Variants in NALF1 observed in about 807,000 individuals in gnomAD.
The protein encoded by NALF1 is NALCN channel auxiliary factor 1.
Under a neutral mutation model 48.4 loss-of-function variants are expected in NALF1, and 3 were observed. The observed-to-expected ratio is 0.06, with a 90% CI of 0.03 to 0.16. NALF1 has a LOEUF of 0.16. Ranked by LOEUF, NALF1 falls within the 10% of genes least tolerant of loss-of-function variation. The pLI is 1.00. For synonymous variants in NALF1, 262 were observed against 245.7 expected, an observed-to-expected ratio of 1.07 and a Z score of -0.62; for missense variants, 526 against 571.5, an observed-to-expected ratio of 0.92 and a Z score of 0.81.
intron 1 of NALF1, among the ~76,000 whole-genome samples, chr13:107,224,218 G>A (rs2138818324): frequency 6.6e-6 from 1 of 151,936 alleles, no homozygotes; most frequent in South Asian, 2.1e-4. Flanking sequence ...TATGCTCAGA[G>A]TAAAGCCTGG....
intron 2 of NALF1, among the ~76,000 whole-genome samples, chr13:107,176,548 A>G (rs1274508565): frequency 6.6e-6 from 1 of 152,026 alleles, no homozygotes; most frequent in East Asian, 1.9e-4. Context: ...AGGCTGAGGC[A>G]GGAGAATGGC....
rs537051479 is a variant in NALF1 at position 107,809,068 on chromosome 13, C to A, written c.915+56614G>T. ...AACTCACTCTAGAAATCCGAGCCAC[C>A]GGAGTCACTTTGACTCAGGGAAGCA... On this transcript the variant is annotated intron_variant, in intron 1 of 2. Transcript: ENST00000375915. Among the ~76,000 whole-genome samples, 110 of 152,044 alleles carry A rather than the reference C, an allele frequency of 7.2e-4. No homozygotes were observed. The Middle Eastern group carries it at 0.01, about 14-fold the overall frequency.
At chr13:107,621,821 C>G (rs1317778263) in intron 1 of NALF1, among the ~76,000 whole-genome samples, 2 of 152,158 alleles carry the variant, frequency 1.3e-5, no homozygotes, top group African/African-American at 4.8e-5. Context: ...GGCCGGAATT[C>G]AATCCCTGGG....
chr13:107,842,046 C>T (rs1367274691), intron 1 of NALF1, among the ~76,000 whole-genome samples: 3 of 151,898 alleles, frequency 2.0e-5, no homozygotes, highest in South Asian at 2.1e-4. Context: ...TTCATTTATA[C>T]ATAATAAATT....
chr13:107,350,861 TAAG>T (rs983287343), intron 1 of NALF1, among the ~76,000 whole-genome samples: 9 of 152,206 alleles, frequency 5.9e-5, no homozygotes, highest in African/African-American at 1.9e-4. Flanking sequence ...ACTGCATTTC[TAAG>T]AAGATCACAA....
chr13:107,354,165 A>G (rs1882922232), intron 1 of NALF1, among the ~76,000 whole-genome samples: 1 of 152,142 alleles, frequency 6.6e-6, no homozygotes, highest in Admixed American at 6.6e-5. Context: ...TTGTTTACTT[A>G]CTTCCCTAGC....
At chr13:107,693,353 A>T (rs7328340) in intron 1 of NALF1, among the ~76,000 whole-genome samples, 20,803 of 149,322 alleles carry the variant, frequency 0.14, 1,705 homozygotes, top group Non-Finnish European at 0.17. Context: ...GGATAGCATT[A>T]GGAGATATAC....
At chr13:107,274,036 A>C (rs199804036) in intron 1 of NALF1, among the ~76,000 whole-genome samples, 3 of 151,174 alleles carry the variant, frequency 2.0e-5, no homozygotes, top group African/African-American at 7.3e-5. Flanking sequence ...ATCTGTTTTG[A>C]TTTTTTTTTT....
intron 1 of NALF1, among the ~76,000 whole-genome samples, chr13:107,752,082 A>G (rs993810740): frequency 6.6e-6 from 1 of 152,062 alleles, no homozygotes; most frequent in African/African-American, 2.4e-5. Flanking sequence ...TACACATGAA[A>G]CAGAAAATAT....
At chr13:107,861,209 A>G (rs1880559536) in intron 1 of NALF1, among the ~76,000 whole-genome samples, 1 of 152,228 alleles carries the variant, frequency 6.6e-6, no homozygotes, top group African/African-American at 2.4e-5. Context: ...TAGCTTTACT[A>G]ATGGTTAAAG....
intron 1 of NALF1, among the ~76,000 whole-genome samples, chr13:107,519,589 T>C (rs1379221100): frequency 2.0e-5 from 3 of 152,148 alleles, no homozygotes; most frequent in Admixed American, 6.6e-5. Context: ...TGTTAAACAA[T>C]AGCTGCTTTG....
At chr13:107,221,797 A>T (rs1333139004) in intron 1 of NALF1, among the ~76,000 whole-genome samples, 1 of 152,084 alleles carries the variant, frequency 6.6e-6, no homozygotes, top group East Asian at 1.9e-4. Flanking sequence ...ACACCCCGCC[A>T]CCCCACATCA....
At chr13:107,678,610 G>A (rs1345458748) in intron 1 of NALF1, among the ~76,000 whole-genome samples, 1 of 152,160 alleles carries the variant, frequency 6.6e-6, no homozygotes. Context: ...CCCCAGACTG[G>A]GTAATTCATA....
intron 2 of NALF1, among the ~76,000 whole-genome samples, chr13:107,174,993 C>T (rs1271766643): frequency 2.0e-5 from 3 of 147,560 alleles, no homozygotes; most frequent in African/African-American, 7.6e-5. Flanking sequence ...ACGCCATTCT[C>T]CTGCCTCAGC....
intron 1 of NALF1, among the ~76,000 whole-genome samples, chr13:107,511,333 A>G (rs1875884923): frequency 6.6e-6 from 1 of 152,212 alleles, no homozygotes; most frequent in African/African-American, 2.4e-5. Context: ...TGGGGTCACT[A>G]GAAACTCAAA....
intron 1 of NALF1, among the ~76,000 whole-genome samples, chr13:107,331,289 G>C (rs146166293): frequency 2.6e-5 from 4 of 152,052 alleles, no homozygotes; most frequent in Non-Finnish European, 5.9e-5. Flanking sequence ...TAGTGCAATC[G>C]TTCAATTGCT....
intron 1 of NALF1, among the ~76,000 whole-genome samples, chr13:107,793,708 A>G (rs1259014149): frequency 1.3e-5 from 2 of 152,284 alleles, no homozygotes; most frequent in East Asian, 3.9e-4. Context: ...TTCTGAATCA[A>G]TTTCTACTCT....
At chr13:107,254,062 A>AAAAAAAAATATATATATATATAT in intron 1 of NALF1, among the ~76,000 whole-genome samples, 1 of 138,582 alleles carries the variant, frequency 7.2e-6, no homozygotes. Context: ...CAAGTACTAA[A>AAAAAAAAATATATATATATATAT]ATATATATAT....
chr13:107,558,686 G>A (rs758034275), intron 1 of NALF1, among the ~76,000 whole-genome samples: 10 of 152,230 alleles, frequency 6.6e-5, no homozygotes, highest in East Asian at 1.9e-4. Context: ...CCCAGATCAC[G>A]GGTAAAACAT....
Sources: allele counts gnomAD v4.1 joint callset (sites outside exome capture counted in the v4.1 genomes callset), GRCh38; gene constraint gnomAD v4.1.1; transcripts MANE v1.5; gene names NCBI Gene and HGNC (gene_info 2026-07-23, HGNC 2026-07-21).